GLIS3: variants seen among roughly 807,000 people sequenced by gnomAD.
GLIS3 encodes GLIS family zinc finger 3, also known as zinc finger protein GLIS3.
In GLIS3, 53 loss-of-function variants were observed where a neutral mutation model predicts 78.6. That is an observed-to-expected ratio of 0.67 (90% CI 0.54 to 0.85). The LOEUF is 0.85. GLIS3 is among the 40% of genes least tolerant of loss of function. GLIS3 has a pLI of 0.00. For missense variants in GLIS3, 1,703 were observed against 1,231.1 expected (o/e 1.38, Z -5.74); for synonymous variants, 684 against 509.9 (o/e 1.34, Z -4.60).
intron 4 of GLIS3, among the ~76,000 whole-genome samples, chr9:4,079,305 C>T (rs1172202080): frequency 6.6e-6 from 1 of 152,098 alleles, no homozygotes; most frequent in African/African-American, 2.4e-5. Context: ...GATTGAAGCC[C>T]AAAGAGTCTC....
At chr9:4,195,664 C>G (rs1210767979) in intron 2 of GLIS3, among the ~76,000 whole-genome samples, 2 of 152,274 alleles carry the variant, frequency 1.3e-5, no homozygotes, top group Non-Finnish European at 2.9e-5. Context: ...CGCCCAAGGG[C>G]TATGGCATGG....
intron 2 of GLIS3, among the ~76,000 whole-genome samples, chr9:4,156,629 T>C (rs1038974771): frequency 2.0e-5 from 3 of 152,204 alleles, no homozygotes; most frequent in African/African-American, 7.2e-5. Context: ...AGATAAAATA[T>C]CTTCTTCAGA....
intron 7 of GLIS3, among the ~76,000 whole-genome samples, chr9:3,882,539 G>T (rs1821802129): frequency 6.6e-6 from 1 of 152,128 alleles, no homozygotes; most frequent in African/African-American, 2.4e-5. Context: ...ATGCTAGGTG[G>T]GGCACACGAG....
the GLIS3 span, among the ~76,000 whole-genome samples, chr9:4,388,874 T>G: frequency 1.3e-5 from 2 of 152,254 alleles, no homozygotes; most frequent in Admixed American, 6.5e-5. Context: ...GGTTGTAAGC[T>G]GCTCCTGGAA....
At chr9:4,220,024 A>C (rs539681762) in intron 2 of GLIS3, among the ~76,000 whole-genome samples, 3 of 152,202 alleles carry the variant, frequency 2.0e-5, no homozygotes, top group Non-Finnish European at 4.4e-5. Flanking sequence ...TTTTGTACCA[A>C]AAAGTAAGGA....
chr9:4,438,418 A>G, the GLIS3 span, among the ~76,000 whole-genome samples: 1 of 152,176 alleles, frequency 6.6e-6, no homozygotes, highest in Non-Finnish European at 1.5e-5. Flanking sequence ...CATGTCCCAG[A>G]GAAGCTTCCC....
intron 8 of GLIS3, among the ~76,000 whole-genome samples, chr9:3,858,415 A>AT (rs1443546246): frequency 6.6e-6 from 1 of 152,224 alleles, no homozygotes; most frequent in Admixed American, 6.5e-5. Context: ...CAGTATAATA[A>AT]TATCATTGAA....
chr9:3,962,802 C>T (rs1314789589), intron 4 of GLIS3, among the ~76,000 whole-genome samples: 1 of 152,030 alleles, frequency 6.6e-6, no homozygotes, highest in Non-Finnish European at 1.5e-5. Context: ...GATCCCCCAC[C>T]CCGAAACCCT....
chr9:3,953,760 G>GCGCTCTCTCT (rs1362335759), intron 4 of GLIS3, among the ~76,000 whole-genome samples: 10 of 103,386 alleles, frequency 9.7e-5, no homozygotes, highest in African/African-American at 3.3e-4. Context: ...AATTAGATTT[G>GCGCTCTCTCT]CTCTCTCTCT....
intron 4 of GLIS3, chr9:4,054,345 C>T: frequency 1.0e-6 from 1 of 985,420 alleles, no homozygotes; most frequent in South Asian, 4.7e-5. Flanking sequence ...TCCACCTTTC[C>T]AAGCTCTCAA....
intron 2 of GLIS3, among the ~76,000 whole-genome samples, chr9:4,232,396 A>G (rs1027739984): frequency 5.3e-5 from 8 of 150,482 alleles, no homozygotes; most frequent in African/African-American, 1.9e-4. Flanking sequence ...AAAAAAAAAA[A>G]AAAAAGAAAA....
At chr9:4,358,428 G>C in the GLIS3 span, among the ~76,000 whole-genome samples, 1 of 152,188 alleles carries the variant, frequency 6.6e-6, no homozygotes, top group Admixed American at 6.5e-5. Flanking sequence ...TCATTGTCCA[G>C]TGAAATTTTC....
chr9:3,990,023 C>T (rs907212161), intron 4 of GLIS3, among the ~76,000 whole-genome samples: 2 of 152,236 alleles, frequency 1.3e-5, no homozygotes, highest in African/African-American at 4.8e-5. Flanking sequence ...CTCTGTATTA[C>T]TTCTCACAAG....
In GLIS3 at chr9:3,847,256, A is replaced by C. The variant is rs369809374; in HGVS notation, c.2473+8753T>G. On this transcript the variant is annotated intron_variant, in intron 9 of 10. Transcript: ENST00000381971. Reference sequence around the variant, plus strand: ...AAGAGGGGGCAGAGAAACAGGCAGGAAGTGCCCAGAGAAAAGAGGGGCCCA... The same window carrying C: ...AAGAGGGGGCAGAGAAACAGGCAGGCAGTGCCCAGAGAAAAGAGGGGCCCA... 5.3e-4 allele frequency among the ~76,000 whole-genome samples: 81 copies of C among 152,348 alleles called. 1 individual carries two copies. The highest frequency in any genetic ancestry group is 1.8e-3 in the African/African-American group (76 of 41,588).
the GLIS3 span, among the ~76,000 whole-genome samples, chr9:4,407,515 C>T: frequency 3.9e-5 from 6 of 152,196 alleles, no homozygotes; most frequent in South Asian, 2.1e-4. Context: ...GGCGTGGTGG[C>T]GGGCGCCTGT....
the GLIS3 span, among the ~76,000 whole-genome samples, chr9:4,480,134 G>C: frequency 4.0e-5 from 6 of 150,962 alleles, no homozygotes; most frequent in African/African-American, 1.5e-4. Flanking sequence ...AGATGTTATA[G>C]GTGGAGACGT....
chr9:4,040,926 A>AAAAC (rs1401785387), intron 4 of GLIS3, among the ~76,000 whole-genome samples: 2 of 152,166 alleles, frequency 1.3e-5, no homozygotes, highest in African/African-American at 4.8e-5. Flanking sequence ...TTTGAAATAC[A>AAAAC]AAACATCAGG....
chr9:4,216,398 G>C (rs1438639236), intron 2 of GLIS3, among the ~76,000 whole-genome samples: 2 of 139,008 alleles, frequency 1.4e-5, no homozygotes, highest in African/African-American at 2.6e-5. Flanking sequence ...GCGTGAGCTT[G>C]CAGTGAGAAA....
chr9:4,261,997 G>A (rs745860877), intron 2 of GLIS3, among the ~76,000 whole-genome samples: 6 of 152,218 alleles, frequency 3.9e-5, no homozygotes, highest in Admixed American at 6.5e-5. Context: ...AAGTTCCTGT[G>A]TAAGGTGGTT....
Sources: gnomAD v4.1 joint callset for allele counts (sites outside exome capture counted in the v4.1 genomes callset) on GRCh38, gnomAD v4.1.1 for gene constraint, MANE v1.5 for transcripts, NCBI Gene and HGNC (gene_info 2026-07-23, HGNC 2026-07-21) for gene names.